The following TRPC7 variants were observed in gnomAD, a reference collection of about 807,000 sequenced individuals.
The protein encoded by TRPC7 is transient receptor potential cation channel subfamily C member 7.
A neutral mutation model predicts 90.1 loss-of-function variants in TRPC7; 42 were observed. That is an observed-to-expected ratio of 0.47 (90% CI 0.36 to 0.60). The LOEUF (loss-of-function observed/expected upper bound fraction) is 0.60, where lower values mean the gene tolerates loss of function less well. TRPC7 is among the 20% of genes least tolerant of loss of function. The pLI, the probability that TRPC7 is intolerant of heterozygous loss-of-function variation, is 0.00. For synonymous variants in TRPC7, 451 were observed against 436.3 expected (o/e 1.03, Z -0.42); for missense variants, 955 against 1,112.3 (o/e 0.86, Z 2.01).
At chr5:136,328,089 G>A (rs571622503) in intron 2 of TRPC7, among the ~76,000 whole-genome samples, 2 of 152,244 alleles carry the variant, frequency 1.3e-5, no homozygotes, top group South Asian at 2.1e-4. Flanking sequence ...ATGCTCCAAA[G>A]GATCAAGGCA....
intron 8 of TRPC7, 79 bp downstream of exon 8, chr5:136,231,275 A>C (rs1177636951): frequency 1.6e-6 from 2 of 1,276,226 alleles, no homozygotes; most frequent in Admixed American, 4.9e-5. Flanking sequence ...TGGGCTTCTA[A>C]CATCATTCCC....
chr5:136,292,527 TA>T (rs1757996321), intron 3 of TRPC7, among the ~76,000 whole-genome samples: 1 of 152,142 alleles, frequency 6.6e-6, no homozygotes, highest in Non-Finnish European at 1.5e-5. Flanking sequence ...TCTATGCAAA[TA>T]AACTAGAAAA....
rs541391452 is a variant in TRPC7, at chr5:136,224,299, G to A, written c.2343+975C>T. Among the ~76,000 whole-genome samples the A allele has an allele frequency of 3.9e-5, 6 of 152,268 alleles. No individual in the cohort carries two copies. In the South Asian group the frequency reaches 8.3e-4, roughly 21 times the overall value. On this transcript the variant is annotated intron_variant, in intron 10 of 11. Transcript: ENST00000513104. ...TCTGTAGCTATCGTTTATCACTGGCGCATGGGCTGATCCAAACGGATACAG... is the reference window on the plus strand; with the variant it reads ...TCTGTAGCTATCGTTTATCACTGGCACATGGGCTGATCCAAACGGATACAG...
At position 136,357,129 on chromosome 5, in the gene TRPC7, C is replaced by T. The variant is rs71589313; in HGVS notation, c.259G>A (p.Gly87Ser). 6.2e-7 allele frequency: 1 copy of T among 1,614,000 alleles called. No individual in the cohort carries two copies. The highest frequency in any genetic ancestry group is 8.5e-7 in the Non-Finnish European group (1 of 1,180,040). The change falls in exon 2 of 12, where the codon GGC becomes AGC. Residue 87 changes from glycine (G) to serine (S), a missense_variant. Coordinates refer to ENST00000513104, the MANE Select transcript of TRPC7 (RefSeq NM_020389.3). ...TCCGTGACCTCTAGGTGCTCGTTGC[C>T]CACGGCCAGCTGCAGAGCGTTCTGC... Reference protein sequence around the residue: ...MGQNALQLAVGNEHLEVTELL... With the variant: ...MGQNALQLAVSNEHLEVTELL...
chr5:136,348,710 G>A (rs573756383), intron 2 of TRPC7, among the ~76,000 whole-genome samples: 2 of 152,118 alleles, frequency 1.3e-5, no homozygotes, highest in Admixed American at 1.3e-4. Context: ...ACTAGGGCCT[G>A]CCTACCTCTG....
At chr5:136,224,931 A>AT (rs1561677949) in intron 10 of TRPC7, among the ~76,000 whole-genome samples, 2 of 152,078 alleles carry the variant, frequency 1.3e-5, no homozygotes. Flanking sequence ...TCTGAAAACT[A>AT]TATCTAGGCT....
At chr5:136,345,000 A>G (rs1759961688) in intron 2 of TRPC7, among the ~76,000 whole-genome samples, 1 of 152,198 alleles carries the variant, frequency 6.6e-6, no homozygotes, top group Non-Finnish European at 1.5e-5. Flanking sequence ...ATGGTCTTTA[A>G]GAAGTCCCAC....
intron 1 of TRPC7, among the ~76,000 whole-genome samples, chr5:136,361,540 G>T (rs1329202113): frequency 6.6e-6 from 1 of 152,160 alleles, no homozygotes; most frequent in Non-Finnish European, 1.5e-5. Context: ...GATGAGCATG[G>T]CCATAAAGCC....
Position 136,285,798 on chromosome 5 carries a change from A to G in TRPC7, c.964-10961T>C, listed in dbSNP as rs138290346. On this transcript the variant is annotated intron_variant, in intron 3 of 11. Coordinates refer to ENST00000513104, the MANE Select transcript of TRPC7 (RefSeq NM_020389.3). ...GAAAAAACAATTCACATTTCTTCCC[A>G]TGCCTATAAGGCTTTTGATAGTCTA... Among the ~76,000 whole-genome samples the G allele has an allele frequency of 4.8e-3, 735 of 152,294 alleles. 4 individuals are homozygous for G. Among genetic ancestry groups the G allele is most frequent in the Non-Finnish European group, 7.5e-3 (509 of 68,026 alleles).
At chr5:136,306,059 C>T (rs1758616155) in intron 3 of TRPC7, among the ~76,000 whole-genome samples, 1 of 152,156 alleles carries the variant, frequency 6.6e-6, no homozygotes, top group Non-Finnish European at 1.5e-5. Flanking sequence ...TAGTCATACT[C>T]CTATTCTCCA....
At chr5:136,230,389 T>C (rs146124831) in intron 8 of TRPC7, among the ~76,000 whole-genome samples, 77 of 152,282 alleles carry the variant, frequency 5.1e-4, no homozygotes, top group African/African-American at 1.6e-3. Flanking sequence ...CTTTCAGAGG[T>C]TTGTTCTTTT....
Position 136,247,418 on chromosome 5 carries a change from G to C in TRPC7, c.1844+53C>G. 1 of 1,551,986 alleles carries C rather than the reference G, an allele frequency of 6.4e-7. No homozygotes were observed. The highest frequency in any genetic ancestry group is 1.4e-5 in the African/African-American group (1 of 73,196). ...GAAGCCACCTTCAGGAGACTCCCAA[G>C]GATTCCCAGGAAGCCCAGGGAGAAC... is the stretch of plus-strand genomic sequence containing the variant. On this transcript the variant is annotated intron_variant, in intron 7 of 11. Coordinates refer to ENST00000513104, the MANE Select transcript of TRPC7 (RefSeq NM_020389.3). This position sits in a 1 kb window ranked among gnomAD's most constrained non-coding sequence, Gnocchi z 4.2.
intron 2 of TRPC7, among the ~76,000 whole-genome samples, chr5:136,331,132 A>G (rs1468489323): frequency 2.0e-5 from 3 of 152,120 alleles, no homozygotes; most frequent in African/African-American, 4.8e-5. Flanking sequence ...CTCTGAGTGC[A>G]CTGGCTTTTA....
At chr5:136,251,539 A>G in intron 6 of TRPC7, 110 bp downstream of exon 6, 3 of 891,294 alleles carry the variant, frequency 3.4e-6, no homozygotes, top group Non-Finnish European at 5.2e-6. Context: ...GTTACAAATC[A>G]TGGGCCACTT....
chr5:136,290,287 A>T (rs1477627569), intron 3 of TRPC7, among the ~76,000 whole-genome samples: 1 of 152,248 alleles, frequency 6.6e-6, no homozygotes, highest in African/African-American at 2.4e-5. Flanking sequence ...ACAAAGCTGG[A>T]TGGAGAATGA....
chr5:136,274,830 G>A lies in TRPC7; in HGVS notation c.971C>T (p.Ala324Val), dbSNP rs1176774603. 38 of 1,562,872 alleles carry A rather than the reference G, an allele frequency of 2.4e-5. No individual in the cohort carries two copies. The highest frequency in any genetic ancestry group is 3.3e-5 in the Non-Finnish European group (38 of 1,153,596). The change falls in exon 4 of 12, where the codon GCT (alanine) becomes GTT (valine). Residue 324 changes from alanine (A) to valine (V), a missense_variant. By Grantham distance (64) the Ala-to-Val change is moderately conservative (BLOSUM62 0). Around this residue, in one of 4 missense-constraint regions of TRPC7, gnomAD observed 484 missense variants for 509.6 expected, o/e 0.95. Transcript: ENST00000513104. ...CAATTGCTGCTGACAGTTAGGATGAGCAACGAACTGTAAAAACAAAACAAA... is the reference window on the plus strand; with the variant it reads ...CAATTGCTGCTGACAGTTAGGATGAACAACGAACTGTAAAAACAAAACAAA... ...AIKYEVKKFVAHPNCQQQLLT... is the reference protein window; with the variant it reads ...AIKYEVKKFVVHPNCQQQLLT...
Position 136,365,400 on chromosome 5 carries a change from T to C in TRPC7, c.-146A>G. On this transcript the variant is annotated 5_prime_UTR_variant, in exon 1 of 12. Coordinates refer to ENST00000513104, the MANE Select transcript of TRPC7 (RefSeq NM_020389.3). ...TATAGAGCTGGTCAAGTGAGTTAAG[T>C]TGCAACGATGTGAAAGCGCGCTCCT... 2.4e-6 allele frequency: 2 copies of C among 833,648 alleles called. No individual in the cohort carries two copies. Among genetic ancestry groups the C allele is most frequent in the Non-Finnish European group, 3.8e-6 (2 of 522,754 alleles). 51.6% of individuals were successfully genotyped at this position (833,648 alleles called of 1,614,324 possible).
intron 1 of TRPC7, among the ~76,000 whole-genome samples, chr5:136,357,674 A>T (rs1760436238): frequency 6.6e-6 from 1 of 152,078 alleles, no homozygotes; most frequent in Non-Finnish European, 1.5e-5. Context: ...TAAGAGATGG[A>T]GGCTGGGGCG....
At chr5:136,363,544 A>G (rs1432356955) in intron 1 of TRPC7, among the ~76,000 whole-genome samples, 1 of 152,176 alleles carries the variant, frequency 6.6e-6, no homozygotes, top group Non-Finnish European at 1.5e-5. Flanking sequence ...TCACCAGTTA[A>G]ATCCTACAGG....
Sources: gnomAD v4.1 joint callset for allele counts (sites outside exome capture counted in the v4.1 genomes callset) on GRCh38, gnomAD v4.1.1 for gene constraint, gnomAD v4.1.1 regional missense constraint, Gnocchi (gnomAD v3.1) non-coding constraint, MANE v1.5 for transcripts, NCBI Gene and HGNC (gene_info 2026-07-23, HGNC 2026-07-21) for gene names.